The following MIF4GD variants were observed in gnomAD, a reference collection of about 807,000 sequenced individuals.
The protein encoded by MIF4GD is MIF4G domain containing.
MIF4GD carries 22 observed loss-of-function variants against 26.7 expected under a neutral mutation model. That is an observed-to-expected ratio of 0.82 (90% CI 0.59 to 1.18). The LOEUF is 1.18. Among genes scored for constraint, MIF4GD ranks in the 50% most tolerant of loss-of-function variants. The pLI, the probability that MIF4GD is intolerant of heterozygous loss-of-function variation, is 0.00. For missense variants in MIF4GD, 262 were observed against 279.6 expected (o/e 0.94, Z 0.45); for synonymous variants, 137 against 111.6 (o/e 1.23, Z -1.43).
rs770878359 is a variant in MIF4GD at position 75,267,782 on chromosome 17, A to G, written c.312T>C (p.Tyr104=). ...RARSLQGWVC[Y]VTFICNIFDY... ...CAAAGATGTTGCAGATAAAGGTGAC[A>G]TAGCAGACCCAGCCCTGCAGGGAGC... Residue 104 remains tyrosine (Y), a synonymous_variant, in exon 4 of 6, where the codon TAT becomes TAC. Coordinates refer to ENST00000325102, the MANE Select transcript of MIF4GD (RefSeq NM_001370592.1). The G allele has an allele frequency of 3.7e-6, 6 of 1,613,974 alleles. No individual in the cohort carries two copies. The highest frequency in any genetic ancestry group is 2.2e-5 in the East Asian group (1 of 44,890).
At chr17:75,269,737 CTTTCT>C (rs1567825464) in intron 2 of MIF4GD, among the ~76,000 whole-genome samples, 7 of 103,714 alleles carry the variant, frequency 6.7e-5, no homozygotes, top group South Asian at 3.1e-4. Flanking sequence ...TTTTTCTTTT[CTTTCT>C]TTTTTTTTTT....
intron 5 of MIF4GD, 133 bp from the exon 6 acceptor site, chr17:75,267,100 T>G: frequency 1.4e-6 from 1 of 730,706 alleles, no homozygotes; most frequent in Non-Finnish European, 2.3e-6. Flanking sequence ...ATCCAGTGGG[T>G]ACTTCCACAT....
chr17:75,269,326 A>G (rs370344778), intron 2 of MIF4GD: 12 of 1,612,336 alleles, frequency 7.4e-6, no homozygotes, highest in Non-Finnish European at 1.0e-5. Flanking sequence ...GGGTGTTGCT[A>G]ATTATTAGTT....
At position 75,270,778 on chromosome 17, in the gene MIF4GD, G is replaced by A. The variant is rs985420510; in HGVS notation, c.-51+366C>T. ...GCCGGCCTGCGTGGGTGGGGACGCA[G>A]GCGCCCTGTCCGCCGCCCCTGCCGG... On this transcript the variant is annotated intron_variant, in intron 1 of 5. Coordinates refer to ENST00000325102, the MANE Select transcript of MIF4GD (RefSeq NM_001370592.1). The surrounding 1 kb of genome is among the most constrained non-coding windows in gnomAD (Gnocchi z 5.7). Among the ~76,000 whole-genome samples the A allele has an allele frequency of 5.9e-5, 9 of 152,208 alleles. No individual in the cohort carries two copies. The highest frequency in any genetic ancestry group is 9.6e-5 in the African/African-American group (4 of 41,468).
Position 75,270,556 on chromosome 17 carries a change from G to A in MIF4GD, c.-50-311C>T, listed in dbSNP as rs1021431903. 4.0e-6 allele frequency: 1 copy of A among 248,026 alleles called. No homozygotes were observed. The allele number at this position is 248,026 out of a possible 1,614,324, so 15.4% of individuals were successfully genotyped here. ...GTAGACTGGGGCAGGGTGTGTGCGG[G>A]CGGACGTTACAGTTGCTTAAATAAA... On this transcript the variant is annotated intron_variant, in intron 1 of 5. Transcript: ENST00000325102. The surrounding 1 kb of genome is among the most constrained non-coding windows in gnomAD (Gnocchi z 5.7).
At chr17:75,267,449 A>G (rs760377971) in intron 5 of MIF4GD, 89 bp downstream of exon 5, 11 of 1,300,034 alleles carry the variant, frequency 8.5e-6, no homozygotes, top group East Asian at 2.3e-5. Context: ...GTCCTCAGAG[A>G]CCTCCGTGAG....
At position 75,270,852 on chromosome 17, in the gene MIF4GD, C is replaced by G. The variant is rs768356166; in HGVS notation, c.-51+292G>C. On this transcript the variant is annotated intron_variant, in intron 1 of 5. Coordinates refer to ENST00000325102, the MANE Select transcript of MIF4GD (RefSeq NM_001370592.1). The surrounding 1 kb of genome is among the most constrained non-coding windows in gnomAD (Gnocchi z 5.7). ...CGTGCCAGCTTCTCCCTGGGACAGGCTGGTCGGATCGGCTCCCGAGTGGCA... is the reference window on the plus strand; with the variant it reads ...CGTGCCAGCTTCTCCCTGGGACAGGGTGGTCGGATCGGCTCCCGAGTGGCA... The G allele has an allele frequency of 6.6e-6, 1 of 152,626 alleles. No individual in the cohort carries two copies. Among genetic ancestry groups the G allele is most frequent in the Non-Finnish European group, 1.5e-5 (1 of 68,356 alleles). 9.5% of individuals were successfully genotyped at this position (152,626 alleles called of 1,614,324 possible). A position where few individuals can be genotyped will look rare whatever the true frequency, so the allele number is the denominator to read the frequency against.
intron 4 of MIF4GD, 23 bp downstream of exon 4, chr17:75,267,723 C>T: frequency 6.2e-7 from 1 of 1,612,030 alleles, no homozygotes; most frequent in African/African-American, 1.3e-5. Flanking sequence ...GTCTGCCTCC[C>T]AGGGTGGCTG....
intron 4 of MIF4GD, 54 bp from the exon 5 acceptor site, chr17:75,267,684 T>A (rs1419763020): frequency 1.2e-6 from 2 of 1,612,970 alleles, no homozygotes; most frequent in Non-Finnish European, 1.7e-6. Flanking sequence ...AGGGGAGCAG[T>A]CCAACCTGGG....
intron 5 of MIF4GD, 158 bp downstream of exon 5, chr17:75,267,380 C>T (rs1032341941): frequency 4.9e-5 from 34 of 691,060 alleles, no homozygotes; most frequent in Non-Finnish European, 9.7e-6. Flanking sequence ...GACCTGGCAG[C>T]TTGTCCTATA....
At position 75,271,131 on chromosome 17, in the gene MIF4GD, A is replaced by T. The variant is rs1422075312; in HGVS notation, c.-51+13T>A. On this transcript the variant is annotated intron_variant, in intron 1 of 5. Coordinates refer to ENST00000325102, the MANE Select transcript of MIF4GD (RefSeq NM_001370592.1). The surrounding 1 kb of genome is among the most constrained non-coding windows in gnomAD (Gnocchi z 4.2). ...CCGCGGGCGGGAGAGGCGGCGTGGG[A>T]GCCGGGACCCACCTGCCGGGCCGGT... 1 of 149,354 alleles carries T rather than the reference A, an allele frequency of 6.7e-6. No individual in the cohort carries two copies. The highest frequency in any genetic ancestry group is 6.7e-5 in the Admixed American group (1 of 15,016). The allele number at this position is 149,354 out of a possible 1,614,324, so 9.3% of individuals were successfully genotyped here.
In MIF4GD at chr17:75,266,535, T is replaced by A. The variant is rs992255203; in HGVS notation, c.*205A>T. The A allele has an allele frequency of 1.2e-5, 7 of 601,722 alleles. No homozygotes were observed. The highest frequency in any genetic ancestry group is 5.6e-5 in the East Asian group (2 of 35,452). 37.3% of individuals were successfully genotyped at this position (601,722 alleles called of 1,614,324 possible). On this transcript the variant is annotated 3_prime_UTR_variant, in exon 6 of 6. Transcript: ENST00000325102. ...GGAGTTGCCCTTCTCTGCCTGGCCG[T>A]GGTGGGTTGTGGTGGGGAAAGGGGC...
intron 4 of MIF4GD, 25 bp from the exon 5 acceptor site, chr17:75,267,655 G>A (rs1215266485): frequency 1.2e-6 from 2 of 1,613,988 alleles, no homozygotes; most frequent in Non-Finnish European, 8.5e-7. Flanking sequence ...AGGGGTCAGA[G>A]CACCAGGCTT....
chr17:75,269,309 A>T, intron 2 of MIF4GD: 1 of 1,610,806 alleles, frequency 6.2e-7, no homozygotes, highest in Non-Finnish European at 8.5e-7. Flanking sequence ...TCGGCTTGAC[A>T]CATGATGGGT....
intron 2 of MIF4GD, among the ~76,000 whole-genome samples, 181 bp from the exon 3 acceptor site, chr17:75,268,373 A>C (rs1024000296): frequency 6.6e-6 from 1 of 152,200 alleles, no homozygotes; most frequent in African/African-American, 2.4e-5. Context: ...GGTACTTATA[A>C]GAAATCATGG....
At chr17:75,269,911 T>C (rs112390467) in intron 2 of MIF4GD, among the ~76,000 whole-genome samples, 30 of 152,144 alleles carry the variant, frequency 2.0e-4, no homozygotes, top group African/African-American at 7.2e-4. Context: ...GTCTTTACAG[T>C]CTGAGAGGTG....
At chr17:75,267,497 CTG>C (rs751552348) in intron 5 of MIF4GD, 39 bp downstream of exon 5, 91 of 1,598,084 alleles carry the variant, frequency 5.7e-5, no homozygotes, top group Non-Finnish European at 7.4e-5. Context: ...ACTGTCCATC[CTG>C]CAGCCTTCTG....
chr17:75,268,168 T>TTCCAAGTGGC lies in MIF4GD; in HGVS notation c.106_107insGCCACTTGGA (p.Lys36SerfsTer36). Reference sequence around the variant, plus strand: ...ATGGTCCACAATCACATTGGCCACTTTCTCCAAGTCCACAGCACCCGGATC... The same window carrying TTCCAAGTGGC: ...ATGGTCCACAATCACATTGGCCACTTTCCAAGTGGCTCTCCAAGTCCACAGCACCCGGATC... On this transcript the variant is annotated frameshift_variant, in exon 3 of 6. Coordinates refer to ENST00000325102, the MANE Select transcript of MIF4GD (RefSeq NM_001370592.1). LOFTEE classifies it high-confidence loss of function. 1 of 1,614,218 alleles carries TTCCAAGTGGC rather than the reference T, an allele frequency of 6.2e-7. No homozygotes were observed. The highest frequency in any genetic ancestry group is 8.5e-7 in the Non-Finnish European group (1 of 1,180,018).
chr17:75,270,526 C>A lies in MIF4GD; in HGVS notation c.-50-281G>T. 3.3e-6 allele frequency: 1 copy of A among 304,638 alleles called. No homozygotes were observed. Among genetic ancestry groups the A allele is most frequent in the South Asian group, 3.3e-5 (1 of 30,274 alleles). The allele number at this position is 304,638 out of a possible 1,614,324, so 18.9% of individuals were successfully genotyped here. A position where few individuals can be genotyped will look rare whatever the true frequency, so the allele number is the denominator to read the frequency against. On this transcript the variant is annotated intron_variant, in intron 1 of 5. Coordinates refer to ENST00000325102, the MANE Select transcript of MIF4GD (RefSeq NM_001370592.1). This position sits in a 1 kb window ranked among gnomAD's most constrained non-coding sequence, Gnocchi z 5.7. ...CCCACCCTCCAGTCCCAGCAGGAGG[C>A]AGGAGTAGACTGGGGCAGGGTGTGT...
Sources: allele counts gnomAD v4.1 joint callset (sites outside exome capture counted in the v4.1 genomes callset), GRCh38; gene constraint gnomAD v4.1.1; non-coding constraint Gnocchi (gnomAD v3.1); transcripts MANE v1.5; gene names NCBI Gene and HGNC (gene_info 2026-07-23, HGNC 2026-07-21).